The following CPLANE1 variants were observed in gnomAD, a reference collection of about 807,000 sequenced individuals.
CPLANE1 encodes ciliogenesis and planar polarity effector complex subunit 1, also known as ciliogenesis and planar polarity effector 1.
CPLANE1 carries 263 observed loss-of-function variants against 362.5 expected under a neutral mutation model. That is an observed-to-expected ratio of 0.73 (90% CI 0.66 to 0.80). CPLANE1 has a LOEUF of 0.80. Among genes scored for constraint, CPLANE1 ranks in the 30% least tolerant of loss-of-function variants. The pLI, the probability that CPLANE1 is intolerant of heterozygous loss-of-function variation, is 0.00. For synonymous variants in CPLANE1, 1,212 were observed against 1,302.6 expected (o/e 0.93, Z 1.50); for missense variants, 3,461 against 3,793.4 (o/e 0.91, Z 2.30).
chr5:37,137,286 G>A (rs954153321), intron 46 of CPLANE1, among the ~76,000 whole-genome samples: 10 of 152,164 alleles, frequency 6.6e-5, no homozygotes, highest in Admixed American at 3.3e-4. Context: ...TTCCCAACAA[G>A]TTCCTCTTCT....
At chr5:37,240,973 T>C (rs1800276782) in intron 6 of CPLANE1, among the ~76,000 whole-genome samples, 1 of 151,842 alleles carries the variant, frequency 6.6e-6, no homozygotes. Flanking sequence ...CCATCTCTAC[T>C]AAAAATACAA....
At chr5:37,237,927 C>T (rs1407912398) in intron 8 of CPLANE1, among the ~76,000 whole-genome samples, 4 of 152,050 alleles carry the variant, frequency 2.6e-5, no homozygotes, top group Non-Finnish European at 5.9e-5. Flanking sequence ...GCCTGTAATC[C>T]CAGCACTTTA....
Position 37,186,359 on chromosome 5 carries a change from A to G in CPLANE1, c.4116T>C (p.Pro1372=). 1.9e-6 allele frequency: 3 copies of G among 1,603,876 alleles called. No individual in the cohort carries two copies. The highest frequency in any genetic ancestry group is 2.6e-6 in the Non-Finnish European group (3 of 1,171,558). The change falls in exon 24 of 53, where the codon CCT becomes CCC. Residue 1372 remains proline (P), a synonymous_variant. Coordinates refer to ENST00000651892, the MANE Select transcript of CPLANE1 (RefSeq NM_001384732.1). ...CTCTTAAAGGAACCCTCACGTCCTCAGGATAGGGAAATGCTTTCACGAAAA... is the reference window on the plus strand; with the variant it reads ...CTCTTAAAGGAACCCTCACGTCCTCGGGATAGGGAAATGCTTTCACGAAAA... ...AEIFVKAFPY[P]EDVRVPLRDK...
chr5:37,125,026 A>T, intron 47 of CPLANE1: 3 of 1,308,452 alleles, frequency 2.3e-6, no homozygotes, highest in Non-Finnish European at 2.9e-6. Context: ...GGGGGACAAG[A>T]AAATATTTAA....
In CPLANE1 at chr5:37,107,402, AACCCTT is replaced by A. The variant is rs1757835106; in HGVS notation, c.*194_*199del. 7.9e-7 allele frequency: 1 copy of A among 1,271,978 alleles called. No homozygotes were observed. Among genetic ancestry groups the A allele is most frequent in the African/African-American group, 1.5e-5 (1 of 65,086 alleles). The allele number at this position is 1,271,978 out of a possible 1,614,324, so 78.8% of individuals were successfully genotyped here. On this transcript the variant is annotated 3_prime_UTR_variant, in exon 53 of 53. Coordinates refer to ENST00000651892, the MANE Select transcript of CPLANE1 (RefSeq NM_001384732.1). ...AAAAACATATAATACATCAATAGTCAACCCTTTCCCCATAAAGGCAAAGTTACTGAG... is the reference window on the plus strand; with the variant it reads ...AAAAACATATAATACATCAATAGTCATCCCCATAAAGGCAAAGTTACTGAG...
chr5:37,091,580 C>A, the CPLANE1 span, among the ~76,000 whole-genome samples: 2 of 152,092 alleles, frequency 1.3e-5, no homozygotes, highest in Non-Finnish European at 2.9e-5. Context: ...TTGGCACAAG[C>A]CTTATTTACC....
rs1375688917 is a variant in CPLANE1 at position 37,153,810 on chromosome 5, A to G, written c.8303T>C (p.Ile2768Thr). 1.2e-6 allele frequency: 2 copies of G among 1,613,934 alleles called. No individual in the cohort carries two copies. Among genetic ancestry groups the G allele is most frequent in the African/African-American group, 2.7e-5 (2 of 74,890 alleles). ...TTCTATGTTTTCAGCAATGTTCTGTATTGCTAGCAACTGCTCGTCAATTTT... is the reference window on the plus strand; with the variant it reads ...TTCTATGTTTTCAGCAATGTTCTGTGTTGCTAGCAACTGCTCGTCAATTTT... ...LQKIDEQLLA[I>T]QNIAENIEQD... Residue 2768 changes from isoleucine (I) to threonine (T), a missense_variant, in exon 42 of 53, where the codon ATA becomes ACA. Around this residue, in one of 2 missense-constraint regions of CPLANE1, gnomAD observed 3,380 missense variants for 3,666.1 expected, o/e 0.92. Coordinates refer to ENST00000651892, the MANE Select transcript of CPLANE1 (RefSeq NM_001384732.1).
rs1561613333 is a variant in CPLANE1 at position 37,209,587 on chromosome 5, A to G, written c.2921-3162T>C. 1.4e-6 allele frequency: 2 copies of G among 1,401,166 alleles called. No individual in the cohort carries two copies. The highest frequency in any genetic ancestry group is 1.0e-6 in the Non-Finnish European group (1 of 987,486). The allele number at this position is 1,401,166 out of a possible 1,614,324, so 86.8% of individuals were successfully genotyped here. ...AGCTCCCTCTTAATAAGTGCCTCTA[A>G]CTCTTTAGTGGCAGATCACTTACAA... On this transcript the variant is annotated intron_variant, in intron 16 of 52. Coordinates refer to ENST00000651892, the MANE Select transcript of CPLANE1 (RefSeq NM_001384732.1). This position sits in a 1 kb window ranked among gnomAD's most constrained non-coding sequence, Gnocchi z 4.6.
At chr5:37,091,742 G>A in the CPLANE1 span, among the ~76,000 whole-genome samples, 2 of 152,112 alleles carry the variant, frequency 1.3e-5, no homozygotes, top group Non-Finnish European at 2.9e-5. Flanking sequence ...TGGGGAAGAG[G>A]GTAGGCTTGT....
chr5:37,120,723 A>T (rs1347456861), intron 49 of CPLANE1, among the ~76,000 whole-genome samples: 1 of 152,154 alleles, frequency 6.6e-6, no homozygotes, highest in Non-Finnish European at 1.5e-5. Flanking sequence ...TTTTTTCACA[A>T]AACTTTTTTG....
At chr5:37,213,084 G>A (rs1793080672) in intron 16 of CPLANE1, among the ~76,000 whole-genome samples, 3 of 152,276 alleles carry the variant, frequency 2.0e-5, no homozygotes, top group South Asian at 4.1e-4. Flanking sequence ...GGCATATGCC[G>A]ATAATCCCAG....
chr5:37,105,206 G>A (rs904340101), downstream of CPLANE1, among the ~76,000 whole-genome samples: 4 of 151,810 alleles, frequency 2.6e-5, no homozygotes, highest in African/African-American at 9.7e-5. Flanking sequence ...TAGTCGAGGT[G>A]GGAGGATCGC....
chr5:37,208,805 A>C (rs972085212), intron 16 of CPLANE1, among the ~76,000 whole-genome samples: 3 of 120,364 alleles, frequency 2.5e-5, no homozygotes, highest in African/African-American at 8.9e-5. Context: ...TCTCCATAAC[A>C]GTTATAACCA....
intron 5 of CPLANE1, among the ~76,000 whole-genome samples, chr5:37,243,704 AATATAAT>A (rs1738452288): frequency 6.8e-6 from 1 of 147,094 alleles, no homozygotes; most frequent in African/African-American, 2.5e-5. Flanking sequence ...AACATATAAA[AATATAAT>A]ATATAATATA....
intron 47 of CPLANE1, among the ~76,000 whole-genome samples, chr5:37,124,536 G>A (rs542178236): frequency 6.6e-6 from 1 of 151,852 alleles, no homozygotes; most frequent in African/African-American, 2.4e-5. Flanking sequence ...GAAAATTGAA[G>A]GGTTTTTTAT....
At chr5:37,222,691 T>C (rs148368887) in intron 14 of CPLANE1, among the ~76,000 whole-genome samples, 1 of 152,324 alleles carries the variant, frequency 6.6e-6, no homozygotes, top group African/African-American at 2.4e-5. Context: ...ATGCTGCTCT[T>C]TTCATCCAGA....
intron 16 of CPLANE1, among the ~76,000 whole-genome samples, chr5:37,208,865 C>T (rs1561610407): frequency 6.6e-6 from 1 of 151,102 alleles, no homozygotes; most frequent in African/African-American, 2.4e-5. Flanking sequence ...ACATATTAGA[C>T]GTAAACCCCG....
At chr5:37,189,343 G>A (rs1784848058) in intron 21 of CPLANE1, among the ~76,000 whole-genome samples, 1 of 152,050 alleles carries the variant, frequency 6.6e-6, no homozygotes, top group South Asian at 2.1e-4. Flanking sequence ...GAGGATGGTG[G>A]GTACATGGCC....
chr5:37,167,734 C>A (rs548963048), intron 34 of CPLANE1, among the ~76,000 whole-genome samples: 2 of 152,166 alleles, frequency 1.3e-5, no homozygotes, highest in African/African-American at 4.8e-5. Flanking sequence ...GCTGAGATGG[C>A]GCCATTACAC....
Sources: allele counts gnomAD v4.1 joint callset (sites outside exome capture counted in the v4.1 genomes callset), GRCh38; gene constraint gnomAD v4.1.1; regional missense constraint gnomAD v4.1.1; non-coding constraint Gnocchi (gnomAD v3.1); transcripts MANE v1.5; gene names NCBI Gene and HGNC (gene_info 2026-07-23, HGNC 2026-07-21).